Variants in UCK2 observed in about 807,000 individuals in gnomAD.
UCK2 encodes the protein cytidine monophosphokinase 2.
UCK2 carries 6 observed loss-of-function variants against 30.8 expected under a neutral mutation model. The observed-to-expected ratio is 0.19, with a 90% CI of 0.11 to 0.38. The LOEUF (loss-of-function observed/expected upper bound fraction) is 0.38. Among genes scored for constraint, UCK2 ranks in the 10% least tolerant of loss-of-function variants. The pLI, the probability that UCK2 is intolerant of heterozygous loss-of-function variation, is 1.00. For synonymous variants in UCK2, 125 were observed against 133.6 expected (o/e 0.94, Z 0.45); for missense variants, 210 against 339.8 (o/e 0.62, Z 3.00).
intron 1 of UCK2, among the ~76,000 whole-genome samples, chr1:165,836,228 C>CAAAAAAAAAAAAAAA (rs1285741977): frequency 6.7e-6 from 1 of 149,568 alleles, no homozygotes; most frequent in African/African-American, 2.5e-5. Flanking sequence ...GACTCCGTCT[C>CAAAAAAAAAAAAAAA]AAAACAAAAA....
At chr1:165,865,523 T>C (rs1655025458) in intron 1 of UCK2, among the ~76,000 whole-genome samples, 1 of 152,196 alleles carries the variant, frequency 6.6e-6, no homozygotes, top group East Asian at 1.9e-4. Context: ...GGACAATTGA[T>C]GTTCTTTGTC....
At position 165,896,990 on chromosome 1, in the gene UCK2, C is replaced by T. The variant is rs74118938; in HGVS notation, c.499+658C>T. ...GGGTATTCAGCAGAGAGTTCGCTTC[C>T]ACCAGGAGAGATTGGGAGGCTTCAT... is the stretch of plus-strand genomic sequence containing the variant. On this transcript the variant is annotated intron_variant, in intron 4 of 6. Transcript: ENST00000367879. Among the ~76,000 whole-genome samples the T allele has an allele frequency of 3.0e-3, 464 of 152,292 alleles. 3 individuals carry two copies. The highest frequency in any genetic ancestry group is 0.011 in the African/African-American group (447 of 41,560).
At chr1:165,850,508 C>T (rs1435234987) in intron 1 of UCK2, among the ~76,000 whole-genome samples, 1 of 151,638 alleles carries the variant, frequency 6.6e-6, no homozygotes, top group Admixed American at 6.6e-5. Context: ...GGCATGATCA[C>T]AGCTGTCTGC....
chr1:165,903,197 G>A lies in UCK2; in HGVS notation c.515G>A (p.Ser172Asn), dbSNP rs745319851. Residue 172 changes from serine (S) to asparagine (N), a missense_variant, in exon 5 of 7, where the codon AGC becomes AAC. Transcript: ENST00000367879. ...RLSRRVLRDI[S>N]ERGRDLEQIL... ...TCTCTTACAGTATTAAGGGACATCA[G>A]CGAGAGAGGCAGGGATCTTGAGCAG... 6.2e-7 allele frequency: 1 copy of A among 1,614,026 alleles called. No homozygotes were observed. Among genetic ancestry groups the A allele is most frequent in the Non-Finnish European group, 8.5e-7 (1 of 1,179,946 alleles).
intron 1 of UCK2, among the ~76,000 whole-genome samples, chr1:165,837,633 T>C (rs996348044): frequency 6.6e-6 from 1 of 152,338 alleles, no homozygotes; most frequent in South Asian, 2.1e-4. Context: ...TGTGTGGTCC[T>C]TGCTTGTTTA....
At position 165,908,102 on chromosome 1, in the gene UCK2, A is replaced by T. The variant is rs149714727; in HGVS notation, c.*279A>T. ...CCAGTTATAAATACATATATATATA[A>T]AAAAGGATCTATTTTTGTGTAAATG... On this transcript the variant is annotated 3_prime_UTR_variant, in exon 7 of 7. Transcript: ENST00000367879. 3,504 of 267,972 alleles carry T rather than the reference A, an allele frequency of 0.013. 37 individuals carry two copies. The highest frequency in any genetic ancestry group is 0.023 in the Middle Eastern group (19 of 830). 16.6% of individuals were successfully genotyped at this position (267,972 alleles called of 1,614,324 possible).
At chr1:165,902,375 G>A (rs1001664340) in intron 4 of UCK2, among the ~76,000 whole-genome samples, 20 of 151,356 alleles carry the variant, frequency 1.3e-4, no homozygotes, top group African/African-American at 4.9e-4. Flanking sequence ...CTGTGCTACT[G>A]CACTACAACC....
chr1:165,857,413 C>G (rs1203790466), intron 1 of UCK2, among the ~76,000 whole-genome samples: 2 of 152,108 alleles, frequency 1.3e-5, no homozygotes, highest in African/African-American at 4.8e-5. Context: ...CTGACATAAC[C>G]CATGACAGTG....
chr1:165,852,046 G>C (rs1386450509), intron 1 of UCK2, among the ~76,000 whole-genome samples: 1 of 152,176 alleles, frequency 6.6e-6, no homozygotes, highest in Non-Finnish European at 1.5e-5. Context: ...GTAAACATAT[G>C]TGTACATGTG....
rs61110997 is a variant in UCK2 at position 165,844,171 on chromosome 1, G to A, written c.99+16239G>A. On this transcript the variant is annotated intron_variant, in intron 1 of 6. Transcript: ENST00000367879. ...TGGCATTTAAACTCTTGGCTTCAGAGTCCAAAAAACCTACTCTGCTCTATT... is the reference window on the plus strand; with the variant it reads ...TGGCATTTAAACTCTTGGCTTCAGAATCCAAAAAACCTACTCTGCTCTATT... Among the ~76,000 whole-genome samples, 510 of 152,294 alleles carry A rather than the reference G, an allele frequency of 3.3e-3. 1 individual carries two copies. Among genetic ancestry groups the A allele is most frequent in the African/African-American group, 0.012 (483 of 41,560 alleles).
At chr1:165,869,440 C>G (rs1655139145) in intron 1 of UCK2, among the ~76,000 whole-genome samples, 1 of 151,940 alleles carries the variant, frequency 6.6e-6, no homozygotes, top group Non-Finnish European at 1.5e-5. Context: ...GGGTACATCC[C>G]CACAAATGGT....
rs376379718 is a variant in UCK2, at chr1:165,896,266, G to C, written c.433G>C (p.Val145Leu). ...EGILAFYSQEVRDLFQMKLFV... is the reference protein window; with the variant it reads ...EGILAFYSQELRDLFQMKLFV... The stretch of plus-strand genomic sequence containing the variant: ...GATCCTGGCCTTCTACTCCCAGGAG[G>C]TACGAGACCTGTTCCAGATGAAGCT... Residue 145 changes from valine (V) to leucine (L), a missense_variant, in exon 4 of 7, where the codon GTA becomes CTA. Physicochemically the swap from Val to Leu is conservative, Grantham distance 32 (BLOSUM62 1). Transcript: ENST00000367879. 1.2e-5 allele frequency: 19 copies of C among 1,614,114 alleles called. No individual in the cohort carries two copies. The highest frequency in any genetic ancestry group is 1.5e-5 in the Non-Finnish European group (18 of 1,180,048).
intron 1 of UCK2, among the ~76,000 whole-genome samples, chr1:165,834,600 G>C (rs1433782727): frequency 6.6e-5 from 10 of 152,212 alleles, no homozygotes. Flanking sequence ...GGGGGCAGTG[G>C]TTCTAAATGT....
intron 1 of UCK2, among the ~76,000 whole-genome samples, chr1:165,860,059 A>G (rs1654856743): frequency 6.6e-6 from 1 of 152,100 alleles, no homozygotes; most frequent in African/African-American, 2.4e-5. Flanking sequence ...CCACCATCAT[A>G]TTTTGCTATA....
chr1:165,909,584 C>T lies in UCK2; in HGVS notation c.*1761C>T, dbSNP rs556224870. On this transcript the variant is annotated 3_prime_UTR_variant, in exon 7 of 7. Transcript: ENST00000367879. ...CTGGTCCCCAGCAGAGCTTGCCACC[C>T]GGAGACTTTCAGGAGACCGTGCAGG... 3.9e-5 allele frequency: 6 copies of T among 152,312 alleles called. No individual in the cohort carries two copies. The highest frequency in any genetic ancestry group is 1.9e-4 in the East Asian group (1 of 5,188). The allele number at this position is 152,312 out of a possible 1,614,324, so 9.4% of individuals were successfully genotyped here. A position where few individuals can be genotyped will look rare whatever the true frequency, so the allele number is the denominator to read the frequency against.
Position 165,907,879 on chromosome 1 carries a change from G to C in UCK2, c.*56G>C, listed in dbSNP as rs565574276. On this transcript the variant is annotated 3_prime_UTR_variant, in exon 7 of 7. Transcript: ENST00000367879. ...CCAAGAGACAGAGGAGGGGTCAGGA[G>C]GCACTGCTCATCTGTACATACTGTT... The C allele has an allele frequency of 6.2e-7, 1 of 1,600,900 alleles. No homozygotes were observed. The highest frequency in any genetic ancestry group is 1.3e-5 in the African/African-American group (1 of 74,824).
chr1:165,871,254 C>G (rs766365525), intron 1 of UCK2, among the ~76,000 whole-genome samples: 3 of 152,190 alleles, frequency 2.0e-5, no homozygotes, highest in Admixed American at 6.5e-5. Flanking sequence ...ATACCCTGCA[C>G]AAGGTGGGAA....
chr1:165,865,175 C>G (rs920264311), intron 1 of UCK2, among the ~76,000 whole-genome samples: 6 of 152,158 alleles, frequency 3.9e-5, no homozygotes, highest in Non-Finnish European at 8.8e-5. Flanking sequence ...TTTGTTAATC[C>G]ACTTTTGTGC....
At position 165,841,475 on chromosome 1, in the gene UCK2, C is replaced by T. The variant is rs556311964; in HGVS notation, c.99+13543C>T. Among the ~76,000 whole-genome samples, 59 of 152,250 alleles carry T rather than the reference C, an allele frequency of 3.9e-4. 1 individual carries two copies. Among genetic ancestry groups the T allele is most frequent in the South Asian group, 1.7e-3 (8 of 4,828 alleles). On this transcript the variant is annotated intron_variant, in intron 1 of 6. Coordinates refer to ENST00000367879, the MANE Select transcript of UCK2 (RefSeq NM_012474.5). ...GCTGGGGATTACAGGCGTGAGCCACCGCGCCTGGCCTGTACTACTTCTTTA... is the reference window on the plus strand; with the variant it reads ...GCTGGGGATTACAGGCGTGAGCCACTGCGCCTGGCCTGTACTACTTCTTTA...
Sources: allele counts gnomAD v4.1 joint callset (sites outside exome capture counted in the v4.1 genomes callset), GRCh38; gene constraint gnomAD v4.1.1; transcripts MANE v1.5; gene names NCBI Gene and HGNC (gene_info 2026-07-23, HGNC 2026-07-21).